PID1: variants seen among roughly 807,000 people sequenced by gnomAD.
PID1 encodes phosphotyrosine interaction domain containing 1.
In PID1, 10 loss-of-function variants were observed where a neutral mutation model predicts 19.1. The observed-to-expected ratio is 0.52, with a 90% CI of 0.32 to 0.89. The LOEUF (loss-of-function observed/expected upper bound fraction) is 0.89. Among genes scored for constraint, PID1 ranks in the 40% least tolerant of loss-of-function variants. PID1 has a pLI of 0.03. For missense variants in PID1, 248 were observed against 285.3 expected (o/e 0.87, Z 0.94); for synonymous variants, 130 against 116.0 (o/e 1.12, Z -0.78).
chr2:229,188,722 A>G (rs1250229027), intron 1 of PID1, among the ~76,000 whole-genome samples: 1 of 129,474 alleles, frequency 7.7e-6, no homozygotes, highest in Non-Finnish European at 1.6e-5. Context: ...CTGGGCAACA[A>G]GAGCGAAACT....
intron 2 of PID1, among the ~76,000 whole-genome samples, chr2:229,042,339 T>G (rs2106175517): frequency 6.6e-6 from 1 of 152,324 alleles, no homozygotes; most frequent in South Asian, 2.1e-4. Flanking sequence ...AAAAGGAATA[T>G]CAATGAAGAC....
At chr2:229,091,844 A>C (rs1014615785) in intron 2 of PID1, among the ~76,000 whole-genome samples, 2 of 152,186 alleles carry the variant, frequency 1.3e-5, no homozygotes, top group African/African-American at 4.8e-5. Context: ...TTTGGCCAGA[A>C]TATCTTTGGA....
At position 229,188,256 on chromosome 2, in the gene PID1, G is replaced by A. The variant is rs375130644; in HGVS notation, c.31-32292C>T. On this transcript the variant is annotated intron_variant, in intron 1 of 2. Transcript: ENST00000392055. ...CATTCATTTCTTGGTGGTCAGCTAT[G>A]GTCTAACAGTGTCATGACAAATATT... Among the ~76,000 whole-genome samples, 14 of 151,526 alleles carry A rather than the reference G, an allele frequency of 9.2e-5. No individual in the cohort carries two copies. The East Asian group carries it at 2.7e-3, about 30-fold the overall frequency.
chr2:229,142,994 C>T (rs1690048502), intron 2 of PID1, among the ~76,000 whole-genome samples: 1 of 148,710 alleles, frequency 6.7e-6, no homozygotes, highest in Non-Finnish European at 1.5e-5. Context: ...GGCACATATA[C>T]ACCATGGAAT....
chr2:229,169,014 C>T (rs1410650355), intron 1 of PID1, among the ~76,000 whole-genome samples: 2 of 152,124 alleles, frequency 1.3e-5, no homozygotes, highest in Non-Finnish European at 2.9e-5. Context: ...CTTTGTACTC[C>T]TGAGGCTAGG....
intron 1 of PID1, among the ~76,000 whole-genome samples, chr2:229,262,469 T>C (rs928481902): frequency 2.0e-5 from 3 of 152,086 alleles, no homozygotes; most frequent in African/African-American, 7.2e-5. Flanking sequence ...CCACAGTAGA[T>C]AAACTCACAC....
intron 1 of PID1, among the ~76,000 whole-genome samples, chr2:229,224,369 A>G (rs924621695): frequency 6.6e-6 from 1 of 152,178 alleles, no homozygotes; most frequent in African/African-American, 2.4e-5. Flanking sequence ...CTGAGCCCCT[A>G]CACTGCAACT....
At chr2:229,115,023 G>C (rs1426050246) in intron 2 of PID1, among the ~76,000 whole-genome samples, 2 of 152,006 alleles carry the variant, frequency 1.3e-5, no homozygotes, top group African/African-American at 4.8e-5. Flanking sequence ...TTAATTTTTT[G>C]CAAGAATAAT....
At chr2:229,178,158 T>G (rs1690864834) in intron 1 of PID1, among the ~76,000 whole-genome samples, 1 of 152,258 alleles carries the variant, frequency 6.6e-6, no homozygotes, top group African/African-American at 2.4e-5. Flanking sequence ...TGCTATATTT[T>G]TATTTTATCA....
chr2:229,057,413 GC>G (rs1694125704), intron 2 of PID1, among the ~76,000 whole-genome samples: 1 of 150,074 alleles, frequency 6.7e-6, no homozygotes, highest in Non-Finnish European at 1.5e-5. Context: ...CAGAGATCAT[GC>G]CATTGCACTC....
At chr2:229,251,944 T>TAA (rs11284650) in intron 1 of PID1, among the ~76,000 whole-genome samples, 26 of 71,450 alleles carry the variant, frequency 3.6e-4, no homozygotes, top group African/African-American at 1.2e-3. Context: ...AACCATAAGC[T>TAA]AAAAAAAAAA....
At chr2:229,051,382 G>A (rs990753075) in intron 2 of PID1, among the ~76,000 whole-genome samples, 15 of 151,964 alleles carry the variant, frequency 9.9e-5, no homozygotes, top group Non-Finnish European at 8.8e-5. Flanking sequence ...CTGTTGCCCC[G>A]GCTGTAGTGC....
At chr2:229,110,869 G>A (rs376551889) in intron 2 of PID1, among the ~76,000 whole-genome samples, 4 of 152,042 alleles carry the variant, frequency 2.6e-5, no homozygotes, top group African/African-American at 9.7e-5. Context: ...GCAGATAGGA[G>A]GGAGGCTCAT....
intron 2 of PID1, among the ~76,000 whole-genome samples, chr2:229,132,381 G>A (rs936406522): frequency 2.0e-5 from 3 of 152,090 alleles, no homozygotes; most frequent in African/African-American, 4.8e-5. Context: ...ACTGCCTTTC[G>A]AACCACATGA....
At chr2:229,236,352 G>A (rs1689676813) in intron 1 of PID1, 2 of 152,166 alleles carry the variant, frequency 1.3e-5, no homozygotes, top group African/African-American at 4.8e-5. Flanking sequence ...AAACTTGCAA[G>A]AGATTTGGAG....
chr2:229,026,179 T>A, intron 2 of PID1, 71 bp from the exon 3 acceptor site: 1 of 1,004,412 alleles, frequency 1.0e-6, no homozygotes, highest in Non-Finnish European at 1.5e-6. Flanking sequence ...ACTGAATGAG[T>A]AGCTGTTCCA....
chr2:229,264,078 A>C (rs1690530913), intron 1 of PID1, among the ~76,000 whole-genome samples: 1 of 152,172 alleles, frequency 6.6e-6, no homozygotes, highest in Non-Finnish European at 1.5e-5. Flanking sequence ...CTGGAGTGGA[A>C]GGAAATGTTG....
In PID1 at chr2:229,046,383, T is replaced by C. The variant is rs540813370; in HGVS notation, c.178-20275A>G. Among the ~76,000 whole-genome samples, 312 of 125,492 alleles carry C rather than the reference T, an allele frequency of 2.5e-3. 1 individual carries two copies. The highest frequency in any genetic ancestry group is 5.4e-3 in the African/African-American group (183 of 34,060). The allele number at this position is 125,492 out of a possible 152,430, so 82.3% of individuals were successfully genotyped here. A position where few individuals can be genotyped will look rare whatever the true frequency, so the allele number is the denominator to read the frequency against. ...GTGTGTGTGTGTGTGTGTGTGTGCGTGTGTGTGTGTGTGTGAGTCAGGAGG... is the reference window on the plus strand; with the variant it reads ...GTGTGTGTGTGTGTGTGTGTGTGCGCGTGTGTGTGTGTGTGAGTCAGGAGG... On this transcript the variant is annotated intron_variant, in intron 2 of 2. Coordinates refer to ENST00000392055, the MANE Select transcript of PID1 (RefSeq NM_001100818.2).
chr2:229,091,198 A>C (rs186513199), intron 2 of PID1, among the ~76,000 whole-genome samples: 4 of 152,294 alleles, frequency 2.6e-5, no homozygotes, highest in African/African-American at 9.6e-5. Flanking sequence ...TACTGTAGAA[A>C]ATAAGAATTA....
Sources: allele counts gnomAD v4.1 joint callset (sites outside exome capture counted in the v4.1 genomes callset), GRCh38; gene constraint gnomAD v4.1.1; transcripts MANE v1.5; gene names NCBI Gene and HGNC (gene_info 2026-07-23, HGNC 2026-07-21).